Variants in TLN2 observed in about 807,000 individuals in gnomAD.
TLN2 encodes talin 2.
A neutral mutation model predicts 294.7 loss-of-function variants in TLN2; 118 were observed. The ratio of observed to expected loss-of-function variants is 0.40; its 90% CI spans 0.34 to 0.47. The LOEUF is 0.47. Among genes scored for constraint, TLN2 ranks in the 20% least tolerant of loss-of-function variants. TLN2 has a pLI of 0.84. For synonymous variants in TLN2, 1,431 were observed against 1,304.5 expected (o/e 1.10, Z -2.09); for missense variants, 3,083 against 3,282.2 (o/e 0.94, Z 1.48).
chr15:62,595,759 G>T (rs920191986), intron 2 of TLN2, among the ~76,000 whole-genome samples: 1 of 152,140 alleles, frequency 6.6e-6, no homozygotes, highest in South Asian at 2.1e-4. Flanking sequence ...GTAGCAACAT[G>T]GATGAACCTG....
rs373427269 is a variant in TLN2 at position 62,653,156 on chromosome 15, G to A, written c.365-6G>A. On this transcript the variant is annotated splice_region_variant and splice_polypyrimidine_tract_variant and intron_variant, in intron 6 of 58. Coordinates refer to ENST00000636159, the MANE Select transcript of TLN2 (RefSeq NM_015059.3). ...TTATAATTATAACCTAATTTCCAAT[G>A]TTTAGGAATAACAAATTATGAAGAA... The A allele has an allele frequency of 4.5e-6, 7 of 1,549,138 alleles. No homozygotes were observed. Among genetic ancestry groups the A allele is most frequent in the South Asian group, 1.2e-5 (1 of 82,464 alleles).
chr15:62,737,061 C>G lies in TLN2; in HGVS notation c.3542C>G (p.Ala1181Gly). Residue 1181 changes from alanine (A) to glycine (G), a missense_variant, in exon 29 of 59, where the codon GCA (alanine) becomes GGA (glycine). Physicochemically the swap from Ala to Gly is moderately conservative, Grantham distance 60. Coordinates refer to ENST00000636159, the MANE Select transcript of TLN2 (RefSeq NM_015059.3). ...AKQALIAPGD[A>G]ERQQRLAQVA... ...CAGGCCCTGATTGCACCTGGAGATG[C>G]AGAGCGTCAACAAAGACTGGCTCAG... is the stretch of plus-strand genomic sequence containing the variant. The G allele has an allele frequency of 6.2e-7, 1 of 1,614,220 alleles. No homozygotes were observed. The highest frequency in any genetic ancestry group is 8.5e-7 in the Non-Finnish European group (1 of 1,180,038).
At chr15:62,738,428 C>A (rs2061145553) in intron 30 of TLN2, 95 bp downstream of exon 30, 3 of 1,406,088 alleles carry the variant, frequency 2.1e-6, no homozygotes, top group Middle Eastern at 2.3e-4. Context: ...CTCTGAGCAG[C>A]TAACCCTTCC....
chr15:62,702,718 G>A (rs1216483876), intron 18 of TLN2, 48 bp from the exon 19 acceptor site: 6 of 1,568,232 alleles, frequency 3.8e-6, no homozygotes, highest in Non-Finnish European at 5.3e-6. Flanking sequence ...TGATGGCACT[G>A]GAGGAAATGC....
At chr15:62,482,283 C>T (rs2038143908) in intron 1 of TLN2, among the ~76,000 whole-genome samples, 1 of 152,120 alleles carries the variant, frequency 6.6e-6, no homozygotes. Context: ...AAAGGATATG[C>T]TCCTTTAAAA....
intron 1 of TLN2, among the ~76,000 whole-genome samples, chr15:62,455,157 C>T (rs1297376390): frequency 6.6e-6 from 1 of 151,054 alleles, no homozygotes; most frequent in Non-Finnish European, 1.5e-5. Context: ...CTGTCGTGGG[C>T]AAAAGATTGT....
intron 2 of TLN2, among the ~76,000 whole-genome samples, chr15:62,617,983 G>A (rs1402253098): frequency 7.2e-6 from 1 of 138,784 alleles, no homozygotes; most frequent in Non-Finnish European, 1.5e-5. Context: ...TTTTTTTGTA[G>A]AGACAGAATC....
At chr15:62,391,941 G>A (rs2032125203) in intron 1 of TLN2, among the ~76,000 whole-genome samples, 1 of 152,234 alleles carries the variant, frequency 6.6e-6, no homozygotes, top group Non-Finnish European at 1.5e-5. Flanking sequence ...GCGTTCTCCC[G>A]GTGCCCGGGC....
At chr15:62,697,209 G>A (rs756330606) in intron 14 of TLN2, among the ~76,000 whole-genome samples, 2 of 152,030 alleles carry the variant, frequency 1.3e-5, no homozygotes, top group Non-Finnish European at 2.9e-5. Context: ...CTGGGCTCAG[G>A]TGATCCTCTC....
intron 1 of TLN2, among the ~76,000 whole-genome samples, chr15:62,493,954 G>T (rs2038884942): frequency 1.3e-5 from 2 of 152,090 alleles, no homozygotes; most frequent in African/African-American, 4.8e-5. Context: ...CCTTGTCTCA[G>T]GGGAGGACAC....
At chr15:62,441,031 A>C (rs2140304715) in intron 1 of TLN2, among the ~76,000 whole-genome samples, 1 of 152,288 alleles carries the variant, frequency 6.6e-6, no homozygotes, top group Non-Finnish European at 1.5e-5. Flanking sequence ...TCTCCTGCTC[A>C]CTTCACATTC....
At chr15:62,833,455 C>A in intron 54 of TLN2, 49 bp from the exon 55 acceptor site, 1 of 1,595,594 alleles carries the variant, frequency 6.3e-7, no homozygotes, top group East Asian at 2.3e-5. Context: ...GAAGAAAGAG[C>A]CCTTTGTGGA....
At chr15:62,764,958 C>A (rs556613052) in intron 40 of TLN2, among the ~76,000 whole-genome samples, 256 of 132,936 alleles carry the variant, frequency 1.9e-3, no homozygotes, top group African/African-American at 7.2e-3. Flanking sequence ...GACAACAGAG[C>A]GAGACTCCAT....
At chr15:62,511,983 A>G (rs1360730030) in intron 1 of TLN2, among the ~76,000 whole-genome samples, 3 of 152,078 alleles carry the variant, frequency 2.0e-5, no homozygotes, top group Non-Finnish European at 4.4e-5. Context: ...CCTGGTGTCT[A>G]GTCCTGGTCA....
chr15:62,582,300 C>T (rs1398460115), intron 1 of TLN2, among the ~76,000 whole-genome samples: 2 of 150,312 alleles, frequency 1.3e-5, no homozygotes, highest in African/African-American at 2.5e-5. Flanking sequence ...TTTTTTGGGG[C>T]CCCCTGTGTC....
At chr15:62,711,281 A>G (rs973600877) in intron 21 of TLN2, among the ~76,000 whole-genome samples, 1 of 152,224 alleles carries the variant, frequency 6.6e-6, no homozygotes, top group Non-Finnish European at 1.5e-5. Flanking sequence ...TCACAGGGAC[A>G]ATAAGACCAA....
At chr15:62,429,849 A>G (rs2034920590) in intron 1 of TLN2, among the ~76,000 whole-genome samples, 1 of 152,218 alleles carries the variant, frequency 6.6e-6, no homozygotes, top group South Asian at 2.1e-4. Context: ...GGCCCATAAT[A>G]ATGTAATTGA....
chr15:62,516,954 T>C (rs1225131829), intron 1 of TLN2, among the ~76,000 whole-genome samples: 1 of 152,186 alleles, frequency 6.6e-6, no homozygotes, highest in South Asian at 2.1e-4. Flanking sequence ...TCACTGGAAC[T>C]ATCCAGTGAT....
In TLN2 at chr15:62,569,990, G is replaced by T. The variant is rs561616202; in HGVS notation, c.-237-19697G>T. Among the ~76,000 whole-genome samples, 7 of 152,290 alleles carry T rather than the reference G, an allele frequency of 4.6e-5. No homozygotes were observed. The South Asian group carries it at 1.5e-3, about 32-fold the overall frequency. ...CTTGTTCCGGTCAAGGCTGTGTTCA[G>T]TTCTCTGGTGATAACTGTCCTCTCT... On this transcript the variant is annotated intron_variant, in intron 1 of 58. Coordinates refer to ENST00000636159, the MANE Select transcript of TLN2 (RefSeq NM_015059.3).
Sources: allele counts gnomAD v4.1 joint callset (sites outside exome capture counted in the v4.1 genomes callset), GRCh38; gene constraint gnomAD v4.1.1; transcripts MANE v1.5; gene names NCBI Gene and HGNC (gene_info 2026-07-23, HGNC 2026-07-21).